HECW2: variants seen among roughly 807,000 people sequenced by gnomAD.
HECW2 encodes the protein HECT, C2 and WW domain containing E3 ubiquitin protein ligase 2.
A neutral mutation model predicts 175.2 loss-of-function variants in HECW2; 61 were observed. The ratio of observed to expected loss-of-function variants is 0.35; its 90% CI spans 0.28 to 0.43. The LOEUF (loss-of-function observed/expected upper bound fraction) is 0.43. Among genes scored for constraint, HECW2 ranks in the 20% least tolerant of loss-of-function variants. The pLI, the probability that HECW2 is intolerant of heterozygous loss-of-function variation, is 1.00. For missense variants in HECW2, 1,524 were observed against 2,000.5 expected, an observed-to-expected ratio of 0.76 and a Z score of 4.54; for synonymous variants, 671 against 731.0, an observed-to-expected ratio of 0.92 and a Z score of 1.32.
intron 14 of HECW2, chr2:196,292,320 T>G: frequency 2.3e-6 from 1 of 433,508 alleles, no homozygotes; most frequent in Non-Finnish European, 4.2e-6. Flanking sequence ...TAGGAGAGTT[T>G]CCAGGGAGAA....
At chr2:196,311,710 T>C (rs752166551) in intron 10 of HECW2, among the ~76,000 whole-genome samples, 14 of 152,056 alleles carry the variant, frequency 9.2e-5, no homozygotes, top group Non-Finnish European at 1.3e-4. Flanking sequence ...GACAGGAGAA[T>C]CACTTGAACC....
At chr2:196,270,926 C>A (rs1444832758) in intron 17 of HECW2, among the ~76,000 whole-genome samples, 1 of 152,096 alleles carries the variant, frequency 6.6e-6, no homozygotes, top group African/African-American at 2.4e-5. Flanking sequence ...GATCTCTTGA[C>A]CTCGTGATCT....
intron 20 of HECW2, 69 bp downstream of exon 20, chr2:196,242,015 C>T: frequency 6.9e-7 from 1 of 1,455,944 alleles, no homozygotes; most frequent in Non-Finnish European, 9.5e-7. Flanking sequence ...AATCAATTTC[C>T]TAGAGGCCCA....
intron 2 of HECW2, among the ~76,000 whole-genome samples, chr2:196,380,102 T>C (rs1452419135): frequency 2.0e-5 from 3 of 152,206 alleles, no homozygotes; most frequent in East Asian, 3.8e-4. Flanking sequence ...TAGAAGTTCA[T>C]AGGGGTGAAG....
intron 1 of HECW2, among the ~76,000 whole-genome samples, chr2:196,571,297 G>A (rs761684039): frequency 6.6e-6 from 1 of 152,188 alleles, no homozygotes. Context: ...GAGAACAAGT[G>A]AGGTAATGTC....
chr2:196,248,623 C>CAGAG (rs10641361), intron 19 of HECW2, among the ~76,000 whole-genome samples: 9,622 of 147,858 alleles, frequency 0.065, 480 homozygotes, highest in African/African-American at 0.14. Context: ...CACACACACA[C>CAGAG]ACACACACAG....
At chr2:196,528,340 G>A (rs1291669303) in intron 1 of HECW2, among the ~76,000 whole-genome samples, 1 of 152,152 alleles carries the variant, frequency 6.6e-6, no homozygotes, top group Admixed American at 6.5e-5. Context: ...GTGGAAAGCA[G>A]AGTCAACTGT....
At chr2:196,294,701 A>G (rs555328209) in intron 13 of HECW2, among the ~76,000 whole-genome samples, 3 of 152,282 alleles carry the variant, frequency 2.0e-5, no homozygotes, top group African/African-American at 7.2e-5. Context: ...TCTTTCTAGG[A>G]TCCCTCAAGA....
chr2:196,371,625 A>C (rs774905842), intron 2 of HECW2, among the ~76,000 whole-genome samples: 2 of 152,234 alleles, frequency 1.3e-5, no homozygotes, highest in Non-Finnish European at 2.9e-5. Context: ...ATCTAATAAT[A>C]AAATTTTGGA....
Position 196,532,334 on chromosome 2 carries a change from T to A in HECW2, c.-36+61174A>T, listed in dbSNP as rs191113686. ...TGAGTTCATGTCCTTTGCAGGGACA[T>A]GGATGAAGCTGGAAACCATTATTCT... On this transcript the variant is annotated intron_variant, in intron 1 of 28. Coordinates refer to ENST00000644978, the MANE Select transcript of HECW2 (RefSeq NM_001348768.2). Among the ~76,000 whole-genome samples, 90 of 152,298 alleles carry A rather than the reference T, an allele frequency of 5.9e-4. No homozygotes were observed. The East Asian group carries it at 9.2e-3, about 16-fold the overall frequency.
At chr2:196,419,209 C>A (rs1438503997) in intron 2 of HECW2, among the ~76,000 whole-genome samples, 1 of 152,032 alleles carries the variant, frequency 6.6e-6, no homozygotes, top group Non-Finnish European at 1.5e-5. Context: ...TATAAAATAC[C>A]TAAGGGAGTA....
At chr2:196,469,559 T>C (rs1038924299) in intron 1 of HECW2, among the ~76,000 whole-genome samples, 1 of 151,842 alleles carries the variant, frequency 6.6e-6, no homozygotes, top group African/African-American at 2.4e-5. Context: ...TAATAAAAAG[T>C]ATAGGGGTAC....
At chr2:196,557,568 GGAAA>G in intron 1 of HECW2, among the ~76,000 whole-genome samples, 1 of 151,486 alleles carries the variant, frequency 6.6e-6, no homozygotes, top group Admixed American at 6.6e-5. Context: ...CAGCCCAAGG[GGAAA>G]AAAAAATTCA....
At chr2:196,519,671 A>C (rs892847391) in intron 1 of HECW2, among the ~76,000 whole-genome samples, 2 of 152,226 alleles carry the variant, frequency 1.3e-5, no homozygotes, top group Non-Finnish European at 2.9e-5. Flanking sequence ...TGGACTGCAA[A>C]TATTTCTGAC....
chr2:196,382,229 G>A (rs112322294), intron 2 of HECW2, among the ~76,000 whole-genome samples: 5,227 of 90,776 alleles, frequency 0.058, 147 homozygotes, highest in African/African-American at 0.092. Flanking sequence ...GTGTGTGTGT[G>A]TATATATATA....
At chr2:196,428,959 T>G (rs1268198458) in intron 2 of HECW2, among the ~76,000 whole-genome samples, 1 of 152,190 alleles carries the variant, frequency 6.6e-6, no homozygotes, top group Non-Finnish European at 1.5e-5. Flanking sequence ...CCAAGATCTA[T>G]TTTCTGCTCT....
In HECW2 at chr2:196,256,849, CTGAAG is replaced by C. The variant is rs368708622; in HGVS notation, c.3419+969_3419+973del. Among the ~76,000 whole-genome samples the C allele has an allele frequency of 2.6e-3, 392 of 152,346 alleles. 2 individuals carry two copies. The highest frequency in any genetic ancestry group is 8.1e-3 in the East Asian group (42 of 5,190). On this transcript the variant is annotated intron_variant, in intron 18 of 28. Transcript: ENST00000644978. ...CACCATAGGTCCTATTCAGAGTCAA[CTGAAG>C]TGAAGTATCTATAGAAAGTGAATAT...
chr2:196,408,229 T>C (rs1479179499), intron 2 of HECW2, among the ~76,000 whole-genome samples: 1 of 152,186 alleles, frequency 6.6e-6, no homozygotes. Flanking sequence ...ATTTTTTTCA[T>C]GCTCTGAATG....
chr2:196,227,894 T>A (rs1041569349), intron 22 of HECW2, among the ~76,000 whole-genome samples: 4 of 152,158 alleles, frequency 2.6e-5, no homozygotes, highest in African/African-American at 9.7e-5. Flanking sequence ...GCAGATCAAT[T>A]CCCAGCTATC....
Sources: gnomAD v4.1 joint callset for allele counts (sites outside exome capture counted in the v4.1 genomes callset) on GRCh38, gnomAD v4.1.1 for gene constraint, MANE v1.5 for transcripts, NCBI Gene and HGNC (gene_info 2026-07-23, HGNC 2026-07-21) for gene names.